SGCE: variants seen among roughly 807,000 people sequenced by gnomAD.
The protein encoded by SGCE is epsilon-sarcoglycan.
A neutral mutation model predicts 57.8 loss-of-function variants in SGCE; 26 were observed. The ratio of observed to expected loss-of-function variants is 0.45; its 90% CI spans 0.33 to 0.62. The LOEUF (loss-of-function observed/expected upper bound fraction) is 0.62, where lower values mean the gene tolerates loss of function less well. Ranked by LOEUF, SGCE falls within the 20% of genes least tolerant of loss-of-function variation. SGCE has a pLI of 0.02. For synonymous variants in SGCE, 183 were observed against 189.5 expected, an observed-to-expected ratio of 0.97 and a Z score of 0.28; for missense variants, 468 against 548.6, an observed-to-expected ratio of 0.85 and a Z score of 1.47.
At chr7:94,601,884 T>G (rs1336334249) in intron 6 of SGCE, among the ~76,000 whole-genome samples, 1 of 152,158 alleles carries the variant, frequency 6.6e-6, no homozygotes, top group Non-Finnish European at 1.5e-5. Context: ...CTTTTATATT[T>G]TATTTATTAT....
intron 9 of SGCE, among the ~76,000 whole-genome samples, chr7:94,592,902 A>G (rs980125086): frequency 2.0e-5 from 3 of 152,162 alleles, no homozygotes; most frequent in Non-Finnish European, 4.4e-5. Context: ...TTCACTTTTC[A>G]GTTAGTATGG....
At chr7:94,587,731 T>G in intron 10 of SGCE, 2 of 1,536,492 alleles carry the variant, frequency 1.3e-6, no homozygotes, top group Non-Finnish European at 1.8e-6. Context: ...AAAATTCTGA[T>G]AAACATCTTG....
chr7:94,628,440 G>T, intron 2 of SGCE, 81 bp from the exon 3 acceptor site: 1 of 1,269,280 alleles, frequency 7.9e-7, no homozygotes, highest in Non-Finnish European at 1.1e-6. Flanking sequence ...AAAACATTCT[G>T]TCTAAAATTT....
intron 5 of SGCE, among the ~76,000 whole-genome samples, chr7:94,611,018 G>A (rs1193910350): frequency 6.6e-6 from 1 of 152,152 alleles, no homozygotes; most frequent in Non-Finnish European, 1.5e-5. Context: ...GTGAAGATAT[G>A]GAAAAGTTGG....
At chr7:94,636,984 G>C (rs569958254) in intron 1 of SGCE, among the ~76,000 whole-genome samples, 1 of 151,594 alleles carries the variant, frequency 6.6e-6, no homozygotes, top group African/African-American at 2.4e-5. Flanking sequence ...ACTTGAACCC[G>C]GGAGGAGGAA....
intron 1 of SGCE, among the ~76,000 whole-genome samples, chr7:94,648,607 T>C (rs1807447120): frequency 6.6e-6 from 1 of 152,178 alleles, no homozygotes; most frequent in Non-Finnish European, 1.5e-5. Flanking sequence ...GTTCTGTTTC[T>C]ACTTCGGCAG....
intron 5 of SGCE, among the ~76,000 whole-genome samples, chr7:94,606,392 CATAATG>C (rs1800147600): frequency 6.6e-6 from 1 of 152,180 alleles, no homozygotes; most frequent in African/African-American, 2.4e-5. Context: ...AAAGGCATTA[CATAATG>C]ATAAAGAGGT....
intron 1 of SGCE, among the ~76,000 whole-genome samples, chr7:94,642,362 C>T (rs1806510833): frequency 6.6e-6 from 1 of 152,164 alleles, no homozygotes; most frequent in Non-Finnish European, 1.5e-5. Flanking sequence ...CTAATAGTCT[C>T]TTGTGGCAAA....
At chr7:94,640,443 C>T (rs2117042330) in intron 1 of SGCE, among the ~76,000 whole-genome samples, 1 of 152,268 alleles carries the variant, frequency 6.6e-6, no homozygotes, top group Middle Eastern at 3.4e-3. Context: ...ACCATCCAAA[C>T]TGCCAATCTG....
At chr7:94,586,985 T>C (rs374795955) in intron 10 of SGCE, 3 of 984,314 alleles carry the variant, frequency 3.0e-6, no homozygotes, top group African/African-American at 3.5e-5. Flanking sequence ...ATGATCCAAA[T>C]TGCAGAAAAA....
chr7:94,599,499 C>A, intron 8 of SGCE, 198 bp downstream of exon 8: 2 of 581,852 alleles, frequency 3.4e-6, no homozygotes, highest in Non-Finnish European at 6.1e-6. Context: ...TCTGTGTAAT[C>A]TTAGTTTTCA....
intron 5 of SGCE, among the ~76,000 whole-genome samples, chr7:94,611,024 G>T (rs2116812578): frequency 6.6e-6 from 1 of 152,284 alleles, no homozygotes; most frequent in Non-Finnish European, 1.5e-5. Flanking sequence ...ATATGGAAAA[G>T]TTGGAACTCT....
intron 1 of SGCE, among the ~76,000 whole-genome samples, chr7:94,637,427 A>C (rs1805745779): frequency 6.6e-6 from 1 of 152,196 alleles, no homozygotes; most frequent in Non-Finnish European, 1.5e-5. Flanking sequence ...GAAATAAGAA[A>C]ATGTGATAAT....
chr7:94,609,774 G>T (rs1800719136), intron 5 of SGCE, among the ~76,000 whole-genome samples: 1 of 152,206 alleles, frequency 6.6e-6, no homozygotes. Flanking sequence ...ATGCAAGATG[G>T]TGTAGCCAAT....
intron 5 of SGCE, among the ~76,000 whole-genome samples, chr7:94,616,577 G>T (rs941802149): frequency 6.6e-6 from 1 of 152,058 alleles, no homozygotes; most frequent in Non-Finnish European, 1.5e-5. Context: ...AAGGCAGAAA[G>T]CATATTAAGT....
chr7:94,645,358 C>T (rs1806913470), intron 1 of SGCE, among the ~76,000 whole-genome samples: 1 of 152,076 alleles, frequency 6.6e-6, no homozygotes, highest in African/African-American at 2.4e-5. Flanking sequence ...TAATCTCATG[C>T]ACTATGGGCA....
At chr7:94,591,804 G>T (rs929964120) in intron 9 of SGCE, among the ~76,000 whole-genome samples, 3 of 152,142 alleles carry the variant, frequency 2.0e-5, no homozygotes, top group African/African-American at 4.8e-5. Context: ...GACATGGCTG[G>T]TTGAGAAAAA....
intron 9 of SGCE, among the ~76,000 whole-genome samples, chr7:94,595,848 T>C (rs1798318351): frequency 6.6e-6 from 1 of 152,100 alleles, no homozygotes; most frequent in Non-Finnish European, 1.5e-5. Flanking sequence ...GTGCACATAT[T>C]ATCCATTTCT....
intron 9 of SGCE, among the ~76,000 whole-genome samples, chr7:94,596,753 T>C (rs1394018791): frequency 6.6e-6 from 1 of 152,154 alleles, no homozygotes; most frequent in African/African-American, 2.4e-5. Context: ...ATAAACAATT[T>C]GGTTAGCTAC....
Sources: gnomAD v4.1 joint callset for allele counts (sites outside exome capture counted in the v4.1 genomes callset) on GRCh38, gnomAD v4.1.1 for gene constraint, MANE v1.5 for transcripts, NCBI Gene and HGNC (gene_info 2026-07-23, HGNC 2026-07-21) for gene names.